Variants in PECAM1 observed in about 807,000 individuals in gnomAD.
PECAM1 encodes the protein platelet endothelial cell adhesion molecule.
PECAM1 carries 8 observed loss-of-function variants against 13.8 expected under a neutral mutation model. The observed-to-expected ratio is 0.58, with a 90% CI of 0.34 to 1.05. The LOEUF (loss-of-function observed/expected upper bound fraction) is 1.05, where lower values mean the gene tolerates loss of function less well. PECAM1 is among the 50% of genes least tolerant of loss of function. The pLI is 0.03. For missense variants in PECAM1, 304 were observed against 141.2 expected (o/e 2.15, Z -5.84); for synonymous variants, 136 against 52.6 (o/e 2.58, Z -6.86).
At chr17:64,344,890 C>G (rs2035525198) in intron 13 of PECAM1, among the ~76,000 whole-genome samples, 1 of 152,160 alleles carries the variant, frequency 6.6e-6, no homozygotes, top group African/African-American at 2.4e-5. Context: ...GCCCACACAG[C>G]TTTTGTGCAA....
rs781809739 is a variant in PECAM1, at chr17:64,320,155, A to G, written c.*3661T>C. The G allele has an allele frequency of 6.6e-6, 1 of 152,182 alleles. No individual in the cohort carries two copies. The highest frequency in any genetic ancestry group is 1.5e-5 in the Non-Finnish European group (1 of 68,086). The allele number at this position is 152,182 out of a possible 1,614,324, so 9.4% of individuals were successfully genotyped here. A position where few individuals can be genotyped will look rare whatever the true frequency, so the allele number is the denominator to read the frequency against. Reference sequence around the variant, plus strand: ...AGGCTGAAGCTGGCCTCTGTGGCAGAGGGTTTCTTCCCAACACGCCAATGA... The same window carrying G: ...AGGCTGAAGCTGGCCTCTGTGGCAGGGGGTTTCTTCCCAACACGCCAATGA... On this transcript the variant is annotated 3_prime_UTR_variant, in exon 16 of 16. Coordinates refer to ENST00000563924, the MANE Select transcript of PECAM1 (RefSeq NM_000442.5).
At position 64,369,858 on chromosome 17, in the gene PECAM1, T is replaced by C. The variant is rs896164453; in HGVS notation, c.859A>G (p.Lys287Glu). 7 of 398,538 alleles carry C rather than the reference T, an allele frequency of 1.8e-5. No individual in the cohort carries two copies. In the South Asian group the frequency reaches 7.6e-4, roughly 43 times the overall value. The allele number at this position is 398,538 out of a possible 1,614,324, so 24.7% of individuals were successfully genotyped here. ...AIVAHNRHGN[K>E]AVYSVMAMVE... Reference sequence around the variant, plus strand: ...ATGGCCATGACTGAGTACACAGCCTTGTTGCCATGTCTGTTGTGGGCCACA... The same window carrying C: ...ATGGCCATGACTGAGTACACAGCCTCGTTGCCATGTCTGTTGTGGGCCACA... Residue 287 changes from lysine (K) to glutamate (E), a missense_variant, in exon 5 of 16, where the codon AAG becomes GAG. Physicochemically the swap from Lys to Glu is moderately conservative, Grantham distance 56. Coordinates refer to ENST00000563924, the MANE Select transcript of PECAM1 (RefSeq NM_000442.5).
chr17:64,354,771 C>T (rs2070782), intron 9 of PECAM1, among the ~76,000 whole-genome samples, 162 bp downstream of exon 9: 58,209 of 152,094 alleles, frequency 0.38, 13,023 homozygotes, highest in East Asian at 0.53. Context: ...CACAAAGATG[C>T]AATTTCCCCC....
chr17:64,359,289 A>G (rs1419911438), intron 7 of PECAM1, among the ~76,000 whole-genome samples: 1 of 152,198 alleles, frequency 6.6e-6, no homozygotes, highest in Non-Finnish European at 1.5e-5. Flanking sequence ...CATGCAAGCA[A>G]TGGCACTCCT....
chr17:64,375,905 G>A (rs2036346289), intron 3 of PECAM1, among the ~76,000 whole-genome samples: 2 of 152,128 alleles, frequency 1.3e-5, no homozygotes, highest in Non-Finnish European at 2.9e-5. Flanking sequence ...GCATAAGAAT[G>A]ATACAGTGGA....
intron 14 of PECAM1, among the ~76,000 whole-genome samples, chr17:64,336,895 GGAGA>G (rs869277301): frequency 1.9e-4 from 16 of 83,928 alleles, no homozygotes; most frequent in Admixed American, 6.2e-4. Flanking sequence ...AAGGAAGGAA[GGAGA>G]GAGAGAGAGA....
At chr17:64,353,019 C>T (rs1487094796) in intron 10 of PECAM1, among the ~76,000 whole-genome samples, 3 of 152,066 alleles carry the variant, frequency 2.0e-5, no homozygotes, top group African/African-American at 7.2e-5. Context: ...GAGTCCTTCA[C>T]AGGCTACTAC....
intron 10 of PECAM1, among the ~76,000 whole-genome samples, chr17:64,353,059 C>G (rs1036055561): frequency 3.9e-5 from 6 of 152,150 alleles, no homozygotes; most frequent in African/African-American, 1.4e-4. Context: ...TCCCACGCTA[C>G]TGTTTCTCTC....
intron 3 of PECAM1, among the ~76,000 whole-genome samples, chr17:64,376,063 G>A (rs2036350904): frequency 6.6e-6 from 1 of 151,990 alleles, no homozygotes; most frequent in African/African-American, 2.4e-5. Flanking sequence ...CAACACTTTG[G>A]GAGGCTGAGG....
intron 2 of PECAM1, among the ~76,000 whole-genome samples, chr17:64,384,717 C>T (rs1032998408): frequency 1.2e-3 from 176 of 152,316 alleles, no homozygotes; most frequent in African/African-American, 4.0e-3. Context: ...TCTAATGAGA[C>T]CCGGTGCCAG....
chr17:64,354,023 T>G (rs1328126510), intron 9 of PECAM1, among the ~76,000 whole-genome samples: 2 of 150,622 alleles, frequency 1.3e-5, no homozygotes, highest in Admixed American at 1.3e-4. Flanking sequence ...CACTGTAACC[T>G]CTGCCTCCCA....
intron 14 of PECAM1, among the ~76,000 whole-genome samples, chr17:64,335,555 G>C (rs2035255384): frequency 6.6e-6 from 1 of 152,234 alleles, no homozygotes; most frequent in Non-Finnish European, 1.5e-5. Context: ...GAAAAAAAGA[G>C]AGGGAACAGG....
chr17:64,347,882 C>A (rs2035619473), intron 13 of PECAM1, among the ~76,000 whole-genome samples: 1 of 151,354 alleles, frequency 6.6e-6, no homozygotes, highest in East Asian at 2.0e-4. Flanking sequence ...AGGTGTGCGC[C>A]ACCAGAGCCG....
chr17:64,362,573 A>G (rs1014256434), intron 6 of PECAM1, among the ~76,000 whole-genome samples: 5 of 151,920 alleles, frequency 3.3e-5, no homozygotes, highest in Non-Finnish European at 7.4e-5. Flanking sequence ...AATGGCGTGA[A>G]CCCAGGAGGC....
At chr17:64,365,504 C>T (rs1428092481) in intron 5 of PECAM1, among the ~76,000 whole-genome samples, 47 of 151,194 alleles carry the variant, frequency 3.1e-4, no homozygotes, top group Non-Finnish European at 5.5e-4. Context: ...AAAAAGAGCC[C>T]GCATCACCAA....
chr17:64,323,750 A>G lies in PECAM1; in HGVS notation c.*66T>C. On this transcript the variant is annotated 3_prime_UTR_variant, in exon 16 of 16. Coordinates refer to ENST00000563924, the MANE Select transcript of PECAM1 (RefSeq NM_000442.5). ...AATAAGTGCACAGAGGTCTTGAAATACAGGGATTATCTGTTCTTCTCGGAA... is the reference window on the plus strand; with the variant it reads ...AATAAGTGCACAGAGGTCTTGAAATGCAGGGATTATCTGTTCTTCTCGGAA... 1 of 1,283,892 alleles carries G rather than the reference A, an allele frequency of 7.8e-7. No homozygotes were observed. The highest frequency in any genetic ancestry group is 1.1e-6 in the Non-Finnish European group (1 of 880,270). The allele number at this position is 1,283,892 out of a possible 1,614,324, so 79.5% of individuals were successfully genotyped here.
chr17:64,350,698 G>A (rs1315361633), intron 11 of PECAM1, among the ~76,000 whole-genome samples: 1 of 147,882 alleles, frequency 6.8e-6, no homozygotes, highest in Non-Finnish European at 1.5e-5. Context: ...CTGGAGTGCA[G>A]TGGTGCGATC....
chr17:64,321,772 A>G lies in PECAM1; in HGVS notation c.*2044T>C. On this transcript the variant is annotated 3_prime_UTR_variant, in exon 16 of 16. Transcript: ENST00000563924. ...CAAGCCCCTGTCTCAACAAAACAAA[A>G]CAAAACAAAAAATTCAGTCGTGCTG... 7.6e-7 allele frequency: 1 copy of G among 1,314,874 alleles called. No homozygotes were observed. The highest frequency in any genetic ancestry group is 1.0e-6 in the Non-Finnish European group (1 of 994,842). 81.5% of individuals were successfully genotyped at this position (1,314,874 alleles called of 1,614,324 possible). A position where few individuals can be genotyped will look rare whatever the true frequency, so the allele number is the denominator to read the frequency against.
intron 15 of PECAM1, among the ~76,000 whole-genome samples, chr17:64,328,777 A>G (rs545760685): frequency 6.8e-4 from 104 of 152,284 alleles, no homozygotes; most frequent in Non-Finnish European, 1.2e-3. Flanking sequence ...TTATGCGGCA[A>G]ATGCCTCATT....
Sources: gnomAD v4.1 joint callset for allele counts (sites outside exome capture counted in the v4.1 genomes callset) on GRCh38, gnomAD v4.1.1 for gene constraint, MANE v1.5 for transcripts, NCBI Gene and HGNC (gene_info 2026-07-23, HGNC 2026-07-21) for gene names.